TMEM132D: variants seen among roughly 807,000 people sequenced by gnomAD.
TMEM132D encodes mature OL transmembrane protein.
In TMEM132D, 21 loss-of-function variants were observed where a neutral mutation model predicts 62.3. The observed-to-expected ratio is 0.34, with a 90% CI of 0.24 to 0.49. The LOEUF (loss-of-function observed/expected upper bound fraction) is 0.49, where lower values mean the gene tolerates loss of function less well. Ranked by LOEUF, TMEM132D falls within the 20% of genes least tolerant of loss-of-function variation. The pLI, the probability that TMEM132D is intolerant of heterozygous loss-of-function variation, is 0.99. For missense variants in TMEM132D, 1,346 were observed against 1,402.8 expected, an observed-to-expected ratio of 0.96 and a Z score of 0.65; for synonymous variants, 621 against 575.6, an observed-to-expected ratio of 1.08 and a Z score of -1.13.
chr12:129,651,979 C>A (rs1215940141), intron 2 of TMEM132D, among the ~76,000 whole-genome samples: 1 of 152,156 alleles, frequency 6.6e-6, no homozygotes, highest in South Asian at 2.1e-4. Context: ...TAGAAGGTAA[C>A]CTTTAGTCCC....
chr12:129,788,436 C>CT (rs1871302195), intron 1 of TMEM132D, among the ~76,000 whole-genome samples: 1 of 152,184 alleles, frequency 6.6e-6, no homozygotes, highest in Non-Finnish European at 1.5e-5. Context: ...AAACCCATGA[C>CT]CCTCTGATCT....
At chr12:129,083,073 C>G (rs760917570) in intron 6 of TMEM132D, among the ~76,000 whole-genome samples, 1 of 152,172 alleles carries the variant, frequency 6.6e-6, no homozygotes, top group Non-Finnish European at 1.5e-5. Flanking sequence ...AAGTTTTAAA[C>G]CACTAAGGTT....
At chr12:129,818,865 T>C (rs538384462) in intron 1 of TMEM132D, among the ~76,000 whole-genome samples, 1 of 151,938 alleles carries the variant, frequency 6.6e-6, no homozygotes, top group South Asian at 2.1e-4. Context: ...CGAGACCCTG[T>C]CTCTACAAAA....
Position 129,170,893 on chromosome 12 carries a change from C to T in TMEM132D, c.1443+38627G>A, listed in dbSNP as rs111542175. ...ATCTTTTTGCTGGTGGAGGGTCTTGCCTTGAGGTTGATGGCTGCTGGCTGA... is the reference window on the plus strand; with the variant it reads ...ATCTTTTTGCTGGTGGAGGGTCTTGTCTTGAGGTTGATGGCTGCTGGCTGA... On this transcript the variant is annotated intron_variant, in intron 5 of 8. Transcript: ENST00000422113. Among the ~76,000 whole-genome samples, 536 of 152,142 alleles carry T rather than the reference C, an allele frequency of 3.5e-3. 3 individuals are homozygous for T. Among genetic ancestry groups the T allele is most frequent in the African/African-American group, 0.012 (486 of 41,510 alleles).
intron 5 of TMEM132D, among the ~76,000 whole-genome samples, chr12:129,150,050 A>C (rs1877025650): frequency 6.6e-6 from 1 of 152,266 alleles, no homozygotes; most frequent in Admixed American, 6.5e-5. Context: ...TACAGATGGC[A>C]GCAGGCAGAA....
At chr12:129,094,097 T>A (rs553451879) in intron 5 of TMEM132D, among the ~76,000 whole-genome samples, 7 of 151,984 alleles carry the variant, frequency 4.6e-5, no homozygotes, top group Admixed American at 1.3e-4. Context: ...AACCTAGGCT[T>A]TACCATTCAG....
chr12:129,807,481 T>G (rs1408403062), intron 1 of TMEM132D, among the ~76,000 whole-genome samples: 1 of 152,202 alleles, frequency 6.6e-6, no homozygotes, highest in Non-Finnish European at 1.5e-5. Context: ...CCAGACTCCT[T>G]TACTAAAATA....
chr12:129,302,829 C>T (rs913131895), intron 4 of TMEM132D, among the ~76,000 whole-genome samples: 2 of 152,210 alleles, frequency 1.3e-5, no homozygotes, highest in Non-Finnish European at 2.9e-5. Flanking sequence ...GGAAAGCCTC[C>T]ACCCATGTGA....
intron 2 of TMEM132D, among the ~76,000 whole-genome samples, chr12:129,555,927 C>T (rs1308917734): frequency 6.6e-6 from 1 of 152,056 alleles, no homozygotes; most frequent in Non-Finnish European, 1.5e-5. Context: ...AATTTAGGTG[C>T]AAATATAGAA....
intron 3 of TMEM132D, among the ~76,000 whole-genome samples, chr12:129,441,754 G>A (rs1593010166): frequency 6.6e-6 from 1 of 152,100 alleles, no homozygotes; most frequent in South Asian, 2.1e-4. Context: ...AGCAACAGTG[G>A]AGTAAATAAA....
chr12:129,195,370 C>A (rs990160922), intron 5 of TMEM132D, among the ~76,000 whole-genome samples: 1 of 151,904 alleles, frequency 6.6e-6, no homozygotes, highest in African/African-American at 2.4e-5. Context: ...TGGAATAGGC[C>A]TTAGAGGCAG....
chr12:129,436,793 G>T lies in TMEM132D; in HGVS notation c.1115+94266C>A, dbSNP rs117935359. Among the ~76,000 whole-genome samples, 194 of 152,200 alleles carry T rather than the reference G, an allele frequency of 1.3e-3. 7 individuals carry two copies. In the East Asian group the frequency reaches 0.031, roughly 24 times the overall value. ...ATAATGGTACACATACATGTATACC[G>T]ACATAAAAATGAACTTGAAGTATAT... On this transcript the variant is annotated intron_variant, in intron 3 of 8. Coordinates refer to ENST00000422113, the MANE Select transcript of TMEM132D (RefSeq NM_133448.3).
At chr12:129,491,185 G>A (rs1444508043) in intron 3 of TMEM132D, among the ~76,000 whole-genome samples, 2 of 152,170 alleles carry the variant, frequency 1.3e-5, no homozygotes, top group Non-Finnish European at 2.9e-5. Flanking sequence ...GATAATTCAT[G>A]ATGAGCGCTG....
chr12:129,520,598 A>G (rs1188492927), intron 3 of TMEM132D, among the ~76,000 whole-genome samples: 1 of 90,764 alleles, frequency 1.1e-5, no homozygotes, highest in Non-Finnish European at 2.9e-5. Flanking sequence ...TTGTGAAAAG[A>G]TTGTTATTGT....
At chr12:129,808,830 C>A (rs1872077099) in intron 1 of TMEM132D, among the ~76,000 whole-genome samples, 1 of 144,888 alleles carries the variant, frequency 6.9e-6, no homozygotes. Context: ...TTTTTTTTTA[C>A]AAAGAACACA....
rs185614796 is a variant in TMEM132D, at chr12:129,710,525, G to A, written c.80-9827C>T. On this transcript the variant is annotated intron_variant, in intron 1 of 8. Transcript: ENST00000422113. ...TTGGCCAGGCTGGTCTCGAACTCCC[G>A]ACCTCAGGTGATCCACCCACCTCGG... Among the ~76,000 whole-genome samples the A allele has an allele frequency of 8.6e-4, 131 of 152,246 alleles. 1 individual carries two copies. The highest frequency in any genetic ancestry group is 3.0e-3 in the African/African-American group (124 of 41,544).
intron 5 of TMEM132D, among the ~76,000 whole-genome samples, chr12:129,141,485 T>C (rs1876739551): frequency 6.6e-6 from 1 of 152,140 alleles, no homozygotes; most frequent in Non-Finnish European, 1.5e-5. Context: ...CTGTGTAACA[T>C]GATGATGAGC....
At chr12:129,600,288 A>G (rs1203266854) in intron 2 of TMEM132D, among the ~76,000 whole-genome samples, 1 of 152,216 alleles carries the variant, frequency 6.6e-6, no homozygotes, top group Non-Finnish European at 1.5e-5. Context: ...ATGAGCTTGC[A>G]GCCATTCAGT....
At chr12:129,439,614 A>C (rs572536885) in intron 3 of TMEM132D, among the ~76,000 whole-genome samples, 1 of 152,054 alleles carries the variant, frequency 6.6e-6, no homozygotes, top group East Asian at 1.9e-4. Flanking sequence ...CAACTGGCTA[A>C]TTTTTGTATT....
Sources: gnomAD v4.1 joint callset for allele counts (sites outside exome capture counted in the v4.1 genomes callset) on GRCh38, gnomAD v4.1.1 for gene constraint, MANE v1.5 for transcripts, NCBI Gene and HGNC (gene_info 2026-07-23, HGNC 2026-07-21) for gene names.